PDE8B: variants seen among roughly 807,000 people sequenced by gnomAD.
The protein encoded by PDE8B is phosphodiesterase 8B.
A neutral mutation model predicts 101.3 loss-of-function variants in PDE8B; 26 were observed. That is an observed-to-expected ratio of 0.26 (90% confidence interval 0.19 to 0.36). The LOEUF is 0.36. Ranked by LOEUF, PDE8B falls within the 10% of genes least tolerant of loss-of-function variation. PDE8B has a pLI of 1.00. For missense variants in PDE8B, 810 were observed against 1,163.1 expected (o/e 0.70, Z 4.42); for synonymous variants, 424 against 429.3 (o/e 0.99, Z 0.15).
chr5:77,225,848 G>GCACACACACACACA lies in PDE8B; in HGVS notation c.339+14604_339+14617dup, dbSNP rs3087185. On this transcript the variant is annotated intron_variant, in intron 1 of 21. Transcript: ENST00000264917. ...CATTTGTTAGATCCCACATGCGCGTGCACACACACACACACACACACACAC... is the reference window on the plus strand; with the variant it reads ...CATTTGTTAGATCCCACATGCGCGTGCACACACACACACACACACACACACACACACACACACAC... 1.8e-3 allele frequency among the ~76,000 whole-genome samples: 267 copies of GCACACACACACACA among 144,326 alleles called. 1 individual carries two copies. Among genetic ancestry groups the GCACACACACACACA allele is most frequent in the African/African-American group, 6.6e-3 (255 of 38,358 alleles). The allele number at this position is 144,326 out of a possible 152,430, so 94.7% of individuals were successfully genotyped here.
At chr5:77,097,629 C>T in the PDE8B span, among the ~76,000 whole-genome samples, 1 of 135,560 alleles carries the variant, frequency 7.4e-6, no homozygotes, top group Non-Finnish European at 1.6e-5. Flanking sequence ...ATCACTTTAG[C>T]TGAAACTTTA....
intron 10 of PDE8B, among the ~76,000 whole-genome samples, chr5:77,378,915 G>A (rs1786893702): frequency 6.6e-6 from 1 of 152,186 alleles, no homozygotes; most frequent in Admixed American, 6.5e-5. Flanking sequence ...ACTCAGTATT[G>A]GCCAAGTTAT....
chr5:77,248,478 T>C (rs1301817511), intron 1 of PDE8B, among the ~76,000 whole-genome samples: 1 of 152,150 alleles, frequency 6.6e-6, no homozygotes, highest in African/African-American at 2.4e-5. Flanking sequence ...GAGCTTCAGT[T>C]TCTTCTGTAT....
chr5:77,255,753 T>C (rs1439496479), intron 1 of PDE8B, among the ~76,000 whole-genome samples: 1 of 152,208 alleles, frequency 6.6e-6, no homozygotes, highest in Non-Finnish European at 1.5e-5. Flanking sequence ...AAGGTTGAGG[T>C]TCCTGGTTGA....
chr5:77,294,360 A>G (rs994905367), intron 1 of PDE8B, among the ~76,000 whole-genome samples: 1 of 152,212 alleles, frequency 6.6e-6, no homozygotes, highest in Admixed American at 6.5e-5. Flanking sequence ...TGTCCCAAGA[A>G]GGGGACAGTC....
intron 1 of PDE8B, among the ~76,000 whole-genome samples, chr5:77,300,638 G>A (rs1424817535): frequency 2.6e-5 from 4 of 152,200 alleles, no homozygotes; most frequent in African/African-American, 9.7e-5. Context: ...GGCCCCAGAG[G>A]GTCAAGGTGC....
chr5:77,122,443 C>T, the PDE8B span, among the ~76,000 whole-genome samples: 5 of 152,192 alleles, frequency 3.3e-5, no homozygotes, highest in South Asian at 2.1e-4. Flanking sequence ...TGAATGGAAG[C>T]GCTATCATTT....
At chr5:77,235,822 AC>A (rs67712931) in intron 1 of PDE8B, among the ~76,000 whole-genome samples, 2,656 of 151,700 alleles carry the variant, frequency 0.018, 97 homozygotes, top group African/African-American at 0.061. Context: ...AGAAAAAAAA[AC>A]AAAACTAAAA....
At chr5:77,227,046 C>A (rs1752545714) in intron 1 of PDE8B, among the ~76,000 whole-genome samples, 2 of 152,166 alleles carry the variant, frequency 1.3e-5, no homozygotes, top group South Asian at 4.1e-4. Flanking sequence ...ACAGGGGGCT[C>A]TGTATCACTG....
chr5:77,171,509 A>T, the PDE8B span, among the ~76,000 whole-genome samples: 1 of 152,200 alleles, frequency 6.6e-6, no homozygotes, highest in South Asian at 2.1e-4. Flanking sequence ...CAATCTGTGT[A>T]TGCTGGGAGT....
chr5:77,369,831 T>C (rs910290209), intron 10 of PDE8B, among the ~76,000 whole-genome samples: 1 of 151,862 alleles, frequency 6.6e-6, no homozygotes, highest in Non-Finnish European at 1.5e-5. Flanking sequence ...TTGTAAGTCA[T>C]GGGGGAAGCA....
intron 1 of PDE8B, among the ~76,000 whole-genome samples, chr5:77,222,054 C>A (rs1751201996): frequency 6.6e-6 from 1 of 152,108 alleles, no homozygotes. Flanking sequence ...CCTTGCAGCT[C>A]CTTTGCTATA....
chr5:77,277,755 C>G (rs183061755), intron 1 of PDE8B, among the ~76,000 whole-genome samples: 2 of 152,320 alleles, frequency 1.3e-5, no homozygotes, highest in Admixed American at 1.3e-4. Flanking sequence ...CAGCTCTCTC[C>G]TGTCTCTTTT....
At chr5:77,260,044 A>T (rs1426368769) in intron 1 of PDE8B, among the ~76,000 whole-genome samples, 2 of 151,852 alleles carry the variant, frequency 1.3e-5, no homozygotes, top group African/African-American at 4.8e-5. Flanking sequence ...CATGCCTATA[A>T]TCCCAGCTAC....
chr5:77,319,222 A>C (rs979989517), intron 2 of PDE8B, among the ~76,000 whole-genome samples: 37 of 152,266 alleles, frequency 2.4e-4, no homozygotes, highest in African/African-American at 7.2e-4. Flanking sequence ...TCAGTGTTTT[A>C]ACTGTGAATA....
At chr5:77,311,527 G>C (rs1398230360) in intron 1 of PDE8B, among the ~76,000 whole-genome samples, 1 of 152,198 alleles carries the variant, frequency 6.6e-6, no homozygotes, top group African/African-American at 2.4e-5. Context: ...CTAAATATAG[G>C]AAAGGCTCTT....
chr5:77,339,486 C>G (rs1193682878), intron 6 of PDE8B, among the ~76,000 whole-genome samples: 2 of 152,002 alleles, frequency 1.3e-5, no homozygotes, highest in African/African-American at 4.8e-5. Context: ...TGCATATTCC[C>G]AGGTATTCTG....
At chr5:77,389,103 G>GCA (rs750888319) in intron 10 of PDE8B, among the ~76,000 whole-genome samples, 7 of 151,988 alleles carry the variant, frequency 4.6e-5, no homozygotes, top group Non-Finnish European at 1.0e-4. Context: ...GGTGTTCCAG[G>GCA]CAGCACTAGG....
intron 18 of PDE8B, among the ~76,000 whole-genome samples, chr5:77,418,703 G>A (rs745884453): frequency 3.9e-5 from 6 of 152,126 alleles, no homozygotes; most frequent in Admixed American, 6.5e-5. Flanking sequence ...CTATTACTAA[G>A]TACACCAGAT....
Sources: allele counts gnomAD v4.1 joint callset (sites outside exome capture counted in the v4.1 genomes callset), GRCh38; gene constraint gnomAD v4.1.1; transcripts MANE v1.5; gene names NCBI Gene and HGNC (gene_info 2026-07-23, HGNC 2026-07-21).